Variants in SIK3 observed in about 807,000 individuals in gnomAD.
The protein encoded by SIK3 is serine/threonine-protein kinase SIK3.
Under a neutral mutation model 144.2 loss-of-function variants are expected in SIK3, and 28 were observed. The observed-to-expected ratio is 0.19, with a 90% CI of 0.14 to 0.27. The LOEUF (loss-of-function observed/expected upper bound fraction) is 0.27. SIK3 is among the 10% of genes least tolerant of loss of function. The pLI is 1.00. For missense variants in SIK3, 1,319 were observed against 1,776.0 expected (o/e 0.74, Z 4.62); for synonymous variants, 686 against 676.3 (o/e 1.01, Z -0.22).
At chr11:116,847,444 C>A (rs1336092706) in intron 23 of SIK3, 32 bp downstream of exon 23, 1 of 1,613,852 alleles carries the variant, frequency 6.2e-7, no homozygotes, top group Non-Finnish European at 8.5e-7. Flanking sequence ...CCAGGAACTT[C>A]TCTGGAGTGC....
chr11:117,026,100 G>A (rs565334856), intron 1 of SIK3, among the ~76,000 whole-genome samples: 116 of 152,258 alleles, frequency 7.6e-4, no homozygotes, highest in African/African-American at 2.6e-3. Flanking sequence ...ATATACAGTC[G>A]TGCACCATAT....
At chr11:117,065,692 C>T (rs1179257742) in intron 1 of SIK3, among the ~76,000 whole-genome samples, 2 of 150,530 alleles carry the variant, frequency 1.3e-5, no homozygotes, top group African/African-American at 2.5e-5. Flanking sequence ...TGTAGTGGCA[C>T]GATCTCAGCT....
intron 19 of SIK3, among the ~76,000 whole-genome samples, chr11:116,860,365 C>G (rs1943253478): frequency 6.6e-6 from 1 of 152,170 alleles, no homozygotes; most frequent in South Asian, 2.1e-4. Context: ...CCAATTCAGA[C>G]TCTTCTCAAG....
At chr11:116,961,951 G>A (rs975541525) in intron 1 of SIK3, among the ~76,000 whole-genome samples, 1 of 152,016 alleles carries the variant, frequency 6.6e-6, no homozygotes. Context: ...TTCTATGAGA[G>A]GAAAAATTAC....
At chr11:117,093,864 T>C (rs1453852427) in intron 1 of SIK3, among the ~76,000 whole-genome samples, 9 of 151,996 alleles carry the variant, frequency 5.9e-5, no homozygotes, top group Admixed American at 5.2e-4. Context: ...ACTAATGGCA[T>C]ATACATTCAT....
intron 1 of SIK3, among the ~76,000 whole-genome samples, chr11:116,964,068 A>G (rs1232013802): frequency 2.0e-5 from 3 of 152,140 alleles, no homozygotes; most frequent in Non-Finnish European, 4.4e-5. Context: ...GAGTGCAGTG[A>G]CACGACCATA....
chr11:116,868,530 G>A (rs537391619), intron 14 of SIK3, among the ~76,000 whole-genome samples: 3 of 152,144 alleles, frequency 2.0e-5, no homozygotes, highest in African/African-American at 2.4e-5. Context: ...CATGTCTCTC[G>A]ATCTCACAGG....
intron 1 of SIK3, among the ~76,000 whole-genome samples, chr11:117,069,098 C>T (rs1954143666): frequency 6.9e-6 from 1 of 145,090 alleles, no homozygotes; most frequent in Admixed American, 7.2e-5. Flanking sequence ...TATGGCTTTA[C>T]TTGCCCATCT....
intron 1 of SIK3, among the ~76,000 whole-genome samples, chr11:116,998,911 C>T (rs1950760845): frequency 1.3e-5 from 2 of 152,144 alleles, no homozygotes; most frequent in South Asian, 4.1e-4. Context: ...ATCCAAAAAG[C>T]TTAATCAAAC....
chr11:116,879,670 C>A (rs902422305), intron 6 of SIK3, among the ~76,000 whole-genome samples: 3 of 152,192 alleles, frequency 2.0e-5, no homozygotes, highest in Admixed American at 1.3e-4. Context: ...GATAATACAA[C>A]AAAGTTCCTA....
chr11:117,063,278 C>G (rs1953880368), intron 1 of SIK3, among the ~76,000 whole-genome samples: 1 of 152,160 alleles, frequency 6.6e-6, no homozygotes, highest in East Asian at 1.9e-4. Flanking sequence ...GAAGCTATGA[C>G]CATAACTACA....
intron 1 of SIK3, among the ~76,000 whole-genome samples, chr11:116,965,520 G>A (rs1237693472): frequency 6.6e-6 from 1 of 151,280 alleles, no homozygotes; most frequent in Non-Finnish European, 1.5e-5. Context: ...AGTTTAAGAG[G>A]GAGATACTTA....
chr11:116,859,776 C>T (rs1943208819), intron 19 of SIK3, among the ~76,000 whole-genome samples, 172 bp from the exon 20 acceptor site: 1 of 152,178 alleles, frequency 6.6e-6, no homozygotes, highest in Non-Finnish European at 1.5e-5. Flanking sequence ...TTCCTGGGTC[C>T]TATCTATATA....
intron 4 of SIK3, among the ~76,000 whole-genome samples, chr11:116,903,460 A>C (rs1945845212): frequency 6.6e-6 from 1 of 152,224 alleles, no homozygotes; most frequent in Non-Finnish European, 1.5e-5. Context: ...AACTGGAAAA[A>C]ATTGAAAGAT....
intron 4 of SIK3, among the ~76,000 whole-genome samples, chr11:116,897,883 CA>C (rs201462698): frequency 0.083 from 11,318 of 136,744 alleles, 482 homozygotes; most frequent in Middle Eastern, 0.13. Context: ...ACTCCGTCTC[CA>C]AAAAAAAAAA....
chr11:116,866,176 G>A (rs1276450473), intron 15 of SIK3, among the ~76,000 whole-genome samples: 2 of 152,080 alleles, frequency 1.3e-5, no homozygotes, highest in African/African-American at 2.4e-5. Context: ...GAAATGTGAC[G>A]ATCTTCATGT....
chr11:116,849,184 T>C lies in SIK3; in HGVS notation c.3755A>G (p.His1252Arg). ...GAGGGCCCGGGGCCTGTGGTGCTCA[T>C]GGACGGAGGGGCGTGCTGGGTACCC... ...GLGYPARPSV[H>R]EHHRPRALQR... Residue 1252 changes from histidine (H) to arginine (R), a missense_variant, in exon 22 of 25, where the codon CAT (histidine) becomes CGT (arginine). Physicochemically the swap from His to Arg is conservative, Grantham distance 29 (BLOSUM62 0). This residue lies in a region of SIK3 where 646 missense variants were observed against 763.7 expected (regional missense o/e 0.85). Transcript: ENST00000445177. The surrounding 1 kb of genome is among the most constrained non-coding windows in gnomAD (Gnocchi z 4.2). 6.2e-7 allele frequency: 1 copy of C among 1,614,020 alleles called. No individual in the cohort carries two copies. The highest frequency in any genetic ancestry group is 2.2e-5 in the East Asian group (1 of 44,876).
intron 1 of SIK3, among the ~76,000 whole-genome samples, chr11:117,028,108 C>A (rs1447614911): frequency 6.6e-6 from 1 of 152,014 alleles, no homozygotes; most frequent in Non-Finnish European, 1.5e-5. Flanking sequence ...CTACTACTAC[C>A]ACCTCCCTTT....
rs746747081 is a variant in SIK3 at position 116,933,929 on chromosome 11, G to GA, written c.455-6550dup. Reference sequence around the variant, plus strand: ...ACCTTGCTATTTCTCAAACACAGCAGAAATACTCCTGCCACAGGGCCTTTG... The same window carrying GA: ...ACCTTGCTATTTCTCAAACACAGCAGAAAATACTCCTGCCACAGGGCCTTTG... On this transcript the variant is annotated intron_variant, in intron 3 of 24. Coordinates refer to ENST00000445177, the MANE Select transcript of SIK3 (RefSeq NM_001366686.3). Among the ~76,000 whole-genome samples, 78 of 152,264 alleles carry GA rather than the reference G, an allele frequency of 5.1e-4. 1 individual carries two copies. Among genetic ancestry groups the GA allele is most frequent in the Non-Finnish European group, 8.8e-4 (60 of 68,018 alleles).
Sources: gnomAD v4.1 joint callset for allele counts (sites outside exome capture counted in the v4.1 genomes callset) on GRCh38, gnomAD v4.1.1 for gene constraint, gnomAD v4.1.1 regional missense constraint, Gnocchi (gnomAD v3.1) non-coding constraint, MANE v1.5 for transcripts, NCBI Gene and HGNC (gene_info 2026-07-23, HGNC 2026-07-21) for gene names.